The following MYADML2 variants were observed in gnomAD, a reference collection of about 807,000 sequenced individuals.
MYADML2 encodes the protein myeloid associated differentiation marker like 2.
In MYADML2, 17 loss-of-function variants were observed where a neutral mutation model predicts 16.0. The ratio of observed to expected loss-of-function variants is 1.06; its 90% CI spans 0.73 to 1.60. MYADML2 has a LOEUF of 1.60. MYADML2 is among the 40% of genes most tolerant of loss of function. MYADML2 has a pLI of 0.00. For synonymous variants in MYADML2, 210 were observed against 208.1 expected, an observed-to-expected ratio of 1.01 and a Z score of -0.08; for missense variants, 422 against 437.7, an observed-to-expected ratio of 0.96 and a Z score of 0.32.
At chr17:81,946,444 C>G (rs552044461) in intron 1 of MYADML2, among the ~76,000 whole-genome samples, 67 of 150,630 alleles carry the variant, frequency 4.4e-4, no homozygotes, top group Middle Eastern at 3.7e-3. Flanking sequence ...GTCAGGAGAT[C>G]GAGACCATCC....
intron 1 of MYADML2, among the ~76,000 whole-genome samples, chr17:81,943,593 C>T (rs1267232377): frequency 6.7e-5 from 10 of 149,052 alleles, no homozygotes; most frequent in South Asian, 2.1e-4. Context: ...TTAGTAGACA[C>T]GGGGTTTCAC....
intron 1 of MYADML2, among the ~76,000 whole-genome samples, chr17:81,945,415 T>G (rs1481905658): frequency 6.6e-6 from 1 of 151,810 alleles, no homozygotes; most frequent in Admixed American, 6.6e-5. Context: ...GATGGGCGCC[T>G]GTAGTCCCAG....
Position 81,940,922 on chromosome 17 carries a change from A to G in MYADML2, c.820T>C (p.Trp274Arg). 1 of 1,549,196 alleles carries G rather than the reference A, an allele frequency of 6.5e-7. No individual in the cohort carries two copies. The highest frequency in any genetic ancestry group is 8.7e-7 in the Non-Finnish European group (1 of 1,145,846). Reference sequence around the variant, plus strand: ...ATGGCCACCACCAGCTGGCTGTCCCAGGGACAGCTGCCCCGAGCACAGTTG... The same window carrying G: ...ATGGCCACCACCAGCTGGCTGTCCCGGGGACAGCTGCCCCGAGCACAGTTG... ...PPNCARGSCP[W>R]DSQLVVAIFT... The change falls in exon 3 of 3, where the codon TGG becomes CGG. Residue 274 changes from tryptophan to arginine, a missense_variant. Trp to Arg is a moderately radical substitution (Grantham distance 101). Coordinates refer to ENST00000409745, the MANE Select transcript of MYADML2 (RefSeq NM_001145113.3).
At position 81,941,625 on chromosome 17, in the gene MYADML2, C is replaced by T. The variant is rs1394162347; in HGVS notation, c.117G>A (p.Leu39=). The part of the protein sequence containing the change: ...QLAFGCTTFS[L]VAHRGGFAGV... ...CCGCAAAGCCACCCCGGTGGGCCAC[C>T]AGGCTGAAGGTAGTGCAGCCAAAGG... The change falls in exon 3 of 3, where the codon CTG becomes CTA. Residue 39 remains leucine (L), a synonymous_variant. Coordinates refer to ENST00000409745, the MANE Select transcript of MYADML2 (RefSeq NM_001145113.3). 1 of 1,549,238 alleles carries T rather than the reference C, an allele frequency of 6.5e-7. No individual in the cohort carries two copies. Among genetic ancestry groups the T allele is most frequent in the South Asian group, 1.2e-5 (1 of 84,056 alleles).
intron 1 of MYADML2, 94 bp downstream of exon 1, chr17:81,946,965 A>C (rs930075712): frequency 6.8e-6 from 1 of 146,606 alleles, no homozygotes; most frequent in Non-Finnish European, 1.5e-5. Context: ...TGACAGAGGG[A>C]GACTCCATCT....
chr17:81,946,263 G>C (rs909069715), intron 1 of MYADML2, among the ~76,000 whole-genome samples: 4 of 152,078 alleles, frequency 2.6e-5, no homozygotes, highest in Non-Finnish European at 5.9e-5. Context: ...GCTGAGGCAG[G>C]AGAATCGCTT....
chr17:81,943,968 C>T (rs995520930), intron 1 of MYADML2, among the ~76,000 whole-genome samples: 47 of 150,968 alleles, frequency 3.1e-4, no homozygotes, highest in African/African-American at 1.0e-3. Flanking sequence ...AAAAATTAGC[C>T]AGGTGTGGTG....
chr17:81,941,713 C>T lies in MYADML2; in HGVS notation c.29G>A (p.Gly10Asp), dbSNP rs531836777. Reference protein sequence around the residue: MGSTMEPPGGAYLHLGAVTS... With the variant: MGSTMEPPGDAYLHLGAVTS... ...CACGGCGCCCAGGTGCAGGTACGCA[C>T]CCCCAGGGGGCTCCATGGTGCTGCC... is the stretch of plus-strand genomic sequence containing the variant. The change falls in exon 3 of 3, where the codon GGT becomes GAT. Residue 10 changes from glycine (G) to aspartate (D), a missense_variant. Gly to Asp is a moderately conservative substitution (Grantham distance 94, BLOSUM62 -1). Transcript: ENST00000409745. 8 of 1,533,214 alleles carry T rather than the reference C, an allele frequency of 5.2e-6. No individual in the cohort carries two copies. In the African/African-American group the frequency reaches 6.9e-5, roughly 13 times the overall value. The allele number at this position is 1,533,214 out of a possible 1,614,324, so 95.0% of individuals were successfully genotyped here.
rs1307066328 is a variant in MYADML2 at position 81,941,498 on chromosome 17, G to T, written c.244C>A (p.Leu82Ile). Residue 82 changes from leucine (L) to isoleucine (I), a missense_variant, in exon 3 of 3, where the codon CTC (leucine) becomes ATC (isoleucine). Coordinates refer to ENST00000409745, the MANE Select transcript of MYADML2 (RefSeq NM_001145113.3). ...EFTRLHGCLRLSWGNFTAAFA... is the reference protein window; with the variant it reads ...EFTRLHGCLRISWGNFTAAFA... ...GCGGCGGTGAAGTTGCCCCAGGAGA[G>T]CCGCAGGCAGCCGTGGAGCCGTGTG... 1.3e-6 allele frequency: 2 copies of T among 1,548,368 alleles called. No homozygotes were observed. The highest frequency in any genetic ancestry group is 2.4e-5 in the East Asian group (1 of 40,898).
chr17:81,941,695 C>T lies in MYADML2; in HGVS notation c.47G>A (p.Gly16Asp). 1 of 1,544,634 alleles carries T rather than the reference C, an allele frequency of 6.5e-7. No homozygotes were observed. Among genetic ancestry groups the T allele is most frequent in the Non-Finnish European group, 8.7e-7 (1 of 1,143,462 alleles). The change falls in exon 3 of 3, where the codon GGC becomes GAC. Residue 16 changes from glycine (G) to aspartate (D), a missense_variant. By Grantham distance (94) the Gly-to-Asp change is moderately conservative. Coordinates refer to ENST00000409745, the MANE Select transcript of MYADML2 (RefSeq NM_001145113.3). ...TGTGCCCACAGGGGATGTCACGGCG[C>T]CCAGGTGCAGGTACGCACCCCCAGG... ...EPPGGAYLHL[G>D]AVTSPVGTAR...
At chr17:81,941,881 C>T in intron 2 of MYADML2, 38 bp from the exon 3 acceptor site, 1 of 815,518 alleles carries the variant, frequency 1.2e-6, no homozygotes. Flanking sequence ...TGCAGCAGGG[C>T]AGCCTCTCTG....
intron 1 of MYADML2, among the ~76,000 whole-genome samples, chr17:81,945,513 T>C (rs1390763221): frequency 2.0e-5 from 3 of 150,728 alleles, no homozygotes; most frequent in Non-Finnish European, 4.4e-5. Flanking sequence ...CACTCCAGCC[T>C]GGGCAACAGA....
intron 1 of MYADML2, among the ~76,000 whole-genome samples, chr17:81,946,431 A>G (rs28692543): frequency 0.24 from 35,456 of 150,372 alleles, 4,352 homozygotes; most frequent in South Asian, 0.36. Flanking sequence ...GGCGGATCAC[A>G]AGGTCAGGAG....
chr17:81,945,574 T>G (rs910529778), intron 1 of MYADML2, among the ~76,000 whole-genome samples: 2 of 149,948 alleles, frequency 1.3e-5, no homozygotes, highest in Non-Finnish European at 3.0e-5. Context: ...TAGTGGCACA[T>G]GCCTGTAATC....
chr17:81,941,285 G>T lies in MYADML2; in HGVS notation c.457C>A (p.Pro153Thr), dbSNP rs1186247048. 6.5e-7 allele frequency: 1 copy of T among 1,549,886 alleles called. No individual in the cohort carries two copies. The highest frequency in any genetic ancestry group is 1.2e-5 in the South Asian group (1 of 84,062). ...AVEVALTRAR[P>T]GQVSSYMATV... ...GCCATATAGCTGCTCACCTGGCCGG[G>T]CCGGGCCCGCGTCAGGGCCACCTCC... The change falls in exon 3 of 3, where the codon CCC becomes ACC. Residue 153 changes from proline to threonine, a missense_variant. By Grantham distance (38) the Pro-to-Thr change is conservative. Coordinates refer to ENST00000409745, the MANE Select transcript of MYADML2 (RefSeq NM_001145113.3).
In MYADML2 at chr17:81,942,636, C is replaced by T. The variant is rs996633067; in HGVS notation, c.-180-263G>A. On this transcript the variant is annotated intron_variant, in intron 1 of 2. Transcript: ENST00000409745. The surrounding 1 kb of genome is among the most constrained non-coding windows in gnomAD (Gnocchi z 4.4). ...AGGCTGGAGTGCAATGGCGCGATCT[C>T]GGCTCCCAGGTTCAAGCAATTATCC... Among the ~76,000 whole-genome samples the T allele has an allele frequency of 1.3e-5, 2 of 152,120 alleles. No homozygotes were observed. The highest frequency in any genetic ancestry group is 2.4e-5 in the African/African-American group (1 of 41,424).
intron 1 of MYADML2, among the ~76,000 whole-genome samples, chr17:81,945,383 CA>C (rs1228667246): frequency 1.3e-5 from 2 of 151,988 alleles, no homozygotes; most frequent in African/African-American, 2.4e-5. Flanking sequence ...ACTAAAAATA[CA>C]AAAAATTATC....
intron 1 of MYADML2, among the ~76,000 whole-genome samples, chr17:81,944,857 T>A (rs2041331665): frequency 6.6e-6 from 1 of 152,210 alleles, no homozygotes; most frequent in Admixed American, 6.5e-5. Flanking sequence ...TTGGGAGGTT[T>A]CCAGGTGGCG....
rs767883096 is a variant in MYADML2 at position 81,940,743 on chromosome 17, G to A, written c.*75C>T. ...CCTCCTGCTCGCTACTTGACACTTT[G>A]GTTCACCTGAGTTTCCCTCGCAGAG... On this transcript the variant is annotated 3_prime_UTR_variant, in exon 3 of 3. Coordinates refer to ENST00000409745, the MANE Select transcript of MYADML2 (RefSeq NM_001145113.3). 19 of 1,422,310 alleles carry A rather than the reference G, an allele frequency of 1.3e-5. No homozygotes were observed. Among genetic ancestry groups the A allele is most frequent in the East Asian group, 1.3e-4 (5 of 39,930 alleles). The allele number at this position is 1,422,310 out of a possible 1,614,324, so 88.1% of individuals were successfully genotyped here.
Sources: allele counts gnomAD v4.1 joint callset (sites outside exome capture counted in the v4.1 genomes callset), GRCh38; gene constraint gnomAD v4.1.1; non-coding constraint Gnocchi (gnomAD v3.1); transcripts MANE v1.5; gene names NCBI Gene and HGNC (gene_info 2026-07-23, HGNC 2026-07-21).